Variants in TIAM1 observed in about 807,000 individuals in gnomAD.
TIAM1 encodes TIAM Rac1 associated GEF 1.
TIAM1 carries 65 observed loss-of-function variants against 163.5 expected under a neutral mutation model. That is an observed-to-expected ratio of 0.40 (90% CI 0.33 to 0.49). The LOEUF is 0.49. TIAM1 is among the 20% of genes least tolerant of loss of function. The pLI, the probability that TIAM1 is intolerant of heterozygous loss-of-function variation, is 0.77. For synonymous variants in TIAM1, 833 were observed against 810.1 expected (o/e 1.03, Z -0.48); for missense variants, 1,789 against 2,044.7 (o/e 0.87, Z 2.41).
Position 31,266,824 on chromosome 21 carries a change from C to T in TIAM1, c.149G>A (p.Arg50Lys), listed in dbSNP as rs2072799783. The change falls in exon 4 of 28, where the codon AGG becomes AAG. Residue 50 changes from arginine (R) to lysine (K), a missense_variant. By Grantham distance (26) the Arg-to-Lys change is conservative. Around this residue, in one of 5 missense-constraint regions of TIAM1, gnomAD observed 555 missense variants for 564.9 expected, o/e 0.98. Transcript: ENST00000541036. ...RHASSGKVIH[R>K]NSEVSTRSSS... ...GGATCGGGTGCTCACTTCGGAGTTC[C>T]TGTGGATCACCTTCCCCGAGGAAGC... The T allele has an allele frequency of 6.2e-7, 1 of 1,614,084 alleles. No individual in the cohort carries two copies. The highest frequency in any genetic ancestry group is 8.5e-7 in the Non-Finnish European group (1 of 1,180,046).
At chr21:31,467,623 C>A (rs1378657323) in intron 1 of TIAM1, among the ~76,000 whole-genome samples, 8 of 147,404 alleles carry the variant, frequency 5.4e-5, no homozygotes, top group Non-Finnish European at 8.9e-5. Flanking sequence ...GAGGCTCCAT[C>A]TCAAAAAAAA....
At chr21:31,295,346 T>G (rs925080418) in intron 2 of TIAM1, among the ~76,000 whole-genome samples, 3 of 151,822 alleles carry the variant, frequency 2.0e-5, no homozygotes, top group Non-Finnish European at 4.4e-5. Context: ...GGCAGGCACC[T>G]GTAGTCCCAA....
intron 2 of TIAM1, among the ~76,000 whole-genome samples, chr21:31,385,357 A>G (rs2076847608): frequency 6.6e-6 from 1 of 152,186 alleles, no homozygotes; most frequent in African/African-American, 2.4e-5. Flanking sequence ...GTTAATGACT[A>G]TTATCAACCA....
intron 1 of TIAM1, among the ~76,000 whole-genome samples, chr21:31,474,484 TA>T (rs2045864827): frequency 6.6e-6 from 1 of 151,620 alleles, no homozygotes; most frequent in East Asian, 1.9e-4. Context: ...GTAAATGAAT[TA>T]ATATATATGA....
intron 2 of TIAM1, among the ~76,000 whole-genome samples, chr21:31,439,851 A>T (rs192364673): frequency 1.3e-5 from 2 of 152,248 alleles, no homozygotes; most frequent in Admixed American, 1.3e-4. Flanking sequence ...ATCTATGTTT[A>T]AAAAAGAGGG....
At chr21:31,488,456 G>A (rs2046348542) in intron 1 of TIAM1, among the ~76,000 whole-genome samples, 1 of 152,154 alleles carries the variant, frequency 6.6e-6, no homozygotes, top group Admixed American at 6.5e-5. Context: ...AGAGGAGGAA[G>A]GGGAAACGGG....
chr21:31,354,465 C>G (rs1199288551), intron 2 of TIAM1, among the ~76,000 whole-genome samples: 2 of 152,070 alleles, frequency 1.3e-5, no homozygotes, highest in Non-Finnish European at 2.9e-5. Context: ...AAGGACCCCC[C>G]CTCCACACCC....
chr21:31,376,517 G>A (rs2300359), intron 2 of TIAM1, among the ~76,000 whole-genome samples: 18,068 of 152,130 alleles, frequency 0.12, 1,264 homozygotes, highest in Admixed American at 0.22. Context: ...TGTTTGGCAC[G>A]AGATTTCCCT....
At chr21:31,397,391 G>A (rs9647061) in intron 2 of TIAM1, among the ~76,000 whole-genome samples, 3,305 of 152,124 alleles carry the variant, frequency 0.022, 74 homozygotes, top group Non-Finnish European at 0.029. Flanking sequence ...GTTTCAAACC[G>A]CTTCCTTCCT....
At chr21:31,286,291 G>C (rs893061440) in intron 2 of TIAM1, among the ~76,000 whole-genome samples, 3 of 152,098 alleles carry the variant, frequency 2.0e-5, no homozygotes, top group African/African-American at 7.2e-5. Flanking sequence ...CAGGCACAGT[G>C]AGTGGCTCAT....
rs777264199 is a variant in TIAM1, at chr21:31,395,339, T to C, written c.-368-55917A>G. ...GGGCTACTTCTAGAGAAGTGACAAATGGCCCCACACACAGATCACTGCTTG... is the reference window on the plus strand; with the variant it reads ...GGGCTACTTCTAGAGAAGTGACAAACGGCCCCACACACAGATCACTGCTTG... On this transcript the variant is annotated intron_variant, in intron 2 of 28. Transcript: ENST00000286827. This position sits in a 1 kb window ranked among gnomAD's most constrained non-coding sequence, Gnocchi z 7.5. Among the ~76,000 whole-genome samples the C allele has an allele frequency of 3.3e-5, 5 of 151,480 alleles. No individual in the cohort carries two copies. Among genetic ancestry groups the C allele is most frequent in the Non-Finnish European group, 5.9e-5 (4 of 67,728 alleles).
At chr21:31,392,869 A>G (rs1020609796) in intron 2 of TIAM1, among the ~76,000 whole-genome samples, 2 of 151,870 alleles carry the variant, frequency 1.3e-5, no homozygotes, top group Non-Finnish European at 2.9e-5. Context: ...ATCTTCTGCC[A>G]TGAGTAAAAG....
At chr21:31,383,696 T>G (rs1018137997) in intron 2 of TIAM1, among the ~76,000 whole-genome samples, 1 of 152,176 alleles carries the variant, frequency 6.6e-6, no homozygotes, top group South Asian at 2.1e-4. Flanking sequence ...TATATGTATC[T>G]CCATACCTTG....
intron 2 of TIAM1, among the ~76,000 whole-genome samples, chr21:31,462,514 T>G (rs1355606268): frequency 1.3e-5 from 2 of 152,196 alleles, no homozygotes; most frequent in Non-Finnish European, 2.9e-5. Flanking sequence ...CAAAAGTAAC[T>G]GTGGTTTTTG....
intron 2 of TIAM1, among the ~76,000 whole-genome samples, chr21:31,409,747 A>T (rs2077313322): frequency 6.6e-6 from 1 of 152,074 alleles, no homozygotes; most frequent in Non-Finnish European, 1.5e-5. Context: ...GGGCTGGAGG[A>T]AAAAAATCCA....
intron 2 of TIAM1, among the ~76,000 whole-genome samples, chr21:31,455,713 T>C (rs905034452): frequency 2.6e-5 from 4 of 152,256 alleles, no homozygotes; most frequent in African/African-American, 9.6e-5. Context: ...AGCGATTCTG[T>C]GACGCTGCTG....
At position 31,181,756 on chromosome 21, in the gene TIAM1, C is replaced by CTTTTTTTT. The variant is rs781153297; in HGVS notation, c.2887+657_2887+664dup. The stretch of plus-strand genomic sequence containing the variant: ...CCCAGCACTTCTTCTTCTTCTTCTT[C>CTTTTTTTT]TTTTTTTTTTTTTTTTTTTTTTTTT... On this transcript the variant is annotated intron_variant, in intron 15 of 27. Transcript: ENST00000541036. Among the ~76,000 whole-genome samples, 11 of 41,344 alleles carry CTTTTTTTT rather than the reference C, an allele frequency of 2.7e-4. 4 individuals carry two copies. Among genetic ancestry groups the CTTTTTTTT allele is most frequent in the East Asian group, 5.1e-4 (1 of 1,970 alleles). The allele number at this position is 41,344 out of a possible 152,430, so 27.1% of individuals were successfully genotyped here. A position where few individuals can be genotyped will look rare whatever the true frequency, so the allele number is the denominator to read the frequency against.
chr21:31,460,386 C>T (rs1450205246), intron 2 of TIAM1, among the ~76,000 whole-genome samples: 1 of 152,088 alleles, frequency 6.6e-6, no homozygotes, highest in South Asian at 2.1e-4. Context: ...CAGCACTTTG[C>T]GAAGCTGAGG....
chr21:31,464,970 G>A (rs949742246), intron 1 of TIAM1, among the ~76,000 whole-genome samples: 5 of 151,810 alleles, frequency 3.3e-5, no homozygotes, highest in East Asian at 3.9e-4. Flanking sequence ...AGATGGCACC[G>A]CCGCACTCCA....
Sources: allele counts gnomAD v4.1 joint callset (sites outside exome capture counted in the v4.1 genomes callset), GRCh38; gene constraint gnomAD v4.1.1; regional missense constraint gnomAD v4.1.1; non-coding constraint Gnocchi (gnomAD v3.1); transcripts MANE v1.5; gene names NCBI Gene and HGNC (gene_info 2026-07-23, HGNC 2026-07-21).